The following ARL15 variants were observed in gnomAD, a reference collection of about 807,000 sequenced individuals.
ARL15 encodes ARF like GTPase 15.
Under a neutral mutation model 25.2 loss-of-function variants are expected in ARL15, and 19 were observed. That is an observed-to-expected ratio of 0.75 (90% CI 0.53 to 1.10). The LOEUF (loss-of-function observed/expected upper bound fraction) is 1.10. Among genes scored for constraint, ARL15 ranks in the 50% least tolerant of loss-of-function variants. The pLI, the probability that ARL15 is intolerant of heterozygous loss-of-function variation, is 0.00. For synonymous variants in ARL15, 94 were observed against 86.8 expected (o/e 1.08, Z -0.46); for missense variants, 220 against 246.0 (o/e 0.89, Z 0.71).
chr5:54,084,173 A>G (rs1751884937), intron 4 of ARL15, among the ~76,000 whole-genome samples: 1 of 152,164 alleles, frequency 6.6e-6, no homozygotes. Flanking sequence ...GTGCTCTTGT[A>G]CAATTAGCCT....
At chr5:54,134,795 G>C (rs980244937) in intron 3 of ARL15, among the ~76,000 whole-genome samples, 1 of 151,712 alleles carries the variant, frequency 6.6e-6, no homozygotes, top group African/African-American at 2.4e-5. Flanking sequence ...ATGTTGGACA[G>C]GATGGTCTCA....
intron 4 of ARL15, among the ~76,000 whole-genome samples, chr5:54,029,029 A>C (rs60691480): frequency 0.061 from 8,897 of 147,052 alleles, 870 homozygotes; most frequent in African/African-American, 0.21. Context: ...CCTCTGTCTA[A>C]AAAAAAAAAA....
chr5:54,204,229 C>T (rs1755801216), intron 1 of ARL15, among the ~76,000 whole-genome samples: 1 of 152,100 alleles, frequency 6.6e-6, no homozygotes, highest in East Asian at 1.9e-4. Flanking sequence ...AGGGTGAAGA[C>T]AAGACTGAAC....
intron 4 of ARL15, among the ~76,000 whole-genome samples, chr5:53,933,326 G>T (rs1746251812): frequency 6.6e-6 from 1 of 152,156 alleles, no homozygotes; most frequent in South Asian, 2.1e-4. Flanking sequence ...TCAACCACCA[G>T]TAGAAAGGTT....
At chr5:54,268,421 T>G (rs1436413016) in intron 1 of ARL15, among the ~76,000 whole-genome samples, 1 of 152,248 alleles carries the variant, frequency 6.6e-6, no homozygotes, top group East Asian at 1.9e-4. Context: ...AATTTCCACC[T>G]GTAGCTCGGA....
chr5:54,219,356 A>G (rs1027857765), intron 1 of ARL15, among the ~76,000 whole-genome samples: 5 of 152,176 alleles, frequency 3.3e-5, no homozygotes, highest in African/African-American at 9.6e-5. Flanking sequence ...ATAGAAGATC[A>G]GGGTGGAAGA....
At chr5:54,310,397 C>A (rs1161769888) in intron 1 of ARL15, 35 bp downstream of exon 1, 1 of 1,598,866 alleles carries the variant, frequency 6.3e-7, no homozygotes, top group South Asian at 1.1e-5. Flanking sequence ...CGCCGAGATC[C>A]GAGAGGCGAC....
chr5:54,082,134 C>G (rs1383956577), intron 4 of ARL15, among the ~76,000 whole-genome samples: 1 of 119,692 alleles, frequency 8.4e-6, no homozygotes, highest in African/African-American at 3.4e-5. Context: ...ATACAAATCC[C>G]CCTAATGGGT....
chr5:54,133,881 G>C (rs896147677), intron 3 of ARL15, among the ~76,000 whole-genome samples: 1 of 151,964 alleles, frequency 6.6e-6, no homozygotes, highest in Non-Finnish European at 1.5e-5. Context: ...AGTTATACTC[G>C]CAAAAATGTT....
chr5:54,243,240 A>G (rs1757002899), intron 1 of ARL15, among the ~76,000 whole-genome samples: 1 of 152,248 alleles, frequency 6.6e-6, no homozygotes, highest in Non-Finnish European at 1.5e-5. Context: ...GTATCTTTTG[A>G]GAAAATATGC....
chr5:53,979,718 A>T (rs1297192193), intron 4 of ARL15, among the ~76,000 whole-genome samples: 1 of 152,134 alleles, frequency 6.6e-6, no homozygotes, highest in Non-Finnish European at 1.5e-5. Context: ...CCATTAAGTG[A>T]CTGACACATA....
chr5:54,083,689 T>G (rs1410075825), intron 4 of ARL15, among the ~76,000 whole-genome samples: 2 of 152,210 alleles, frequency 1.3e-5, no homozygotes, highest in Admixed American at 1.3e-4. Flanking sequence ...GTTGGTTCTC[T>G]GAGCTGTCAA....
chr5:53,907,811 T>G (rs1229327408), intron 4 of ARL15, among the ~76,000 whole-genome samples: 1 of 152,016 alleles, frequency 6.6e-6, no homozygotes, highest in Non-Finnish European at 1.5e-5. Context: ...CCTTAATATA[T>G]TCTTACTCTC....
At chr5:54,280,452 T>C (rs1041666689) in intron 1 of ARL15, among the ~76,000 whole-genome samples, 1 of 152,218 alleles carries the variant, frequency 6.6e-6, no homozygotes, top group Non-Finnish European at 1.5e-5. Flanking sequence ...TTTTCTTACA[T>C]TCAAATAAAG....
chr5:54,047,920 A>G (rs765270696), intron 4 of ARL15: 1 of 152,084 alleles, frequency 6.6e-6, no homozygotes, highest in African/African-American at 2.4e-5. Flanking sequence ...ATCTTTCTCT[A>G]CTGGTTCACA....
intron 1 of ARL15, among the ~76,000 whole-genome samples, chr5:54,183,855 G>A (rs1258972304): frequency 3.3e-5 from 5 of 151,028 alleles, no homozygotes; most frequent in African/African-American, 1.2e-4. Flanking sequence ...CAACCCAAAT[G>A]TCCAACAATG....
intron 1 of ARL15, among the ~76,000 whole-genome samples, chr5:54,232,019 T>C (rs961224659): frequency 2.6e-5 from 4 of 152,200 alleles, no homozygotes; most frequent in Admixed American, 2.0e-4. Context: ...TGACTGCTCA[T>C]GTGCTGTCTC....
At chr5:53,915,116 G>T (rs1323203137) in intron 4 of ARL15, among the ~76,000 whole-genome samples, 1 of 152,202 alleles carries the variant, frequency 6.6e-6, no homozygotes, top group Non-Finnish European at 1.5e-5. Flanking sequence ...TGGTCAGTCA[G>T]CCAAAGAAAT....
At chr5:54,078,270 A>T (rs141389001) in intron 4 of ARL15, among the ~76,000 whole-genome samples, 11 of 152,318 alleles carry the variant, frequency 7.2e-5, no homozygotes, top group African/African-American at 2.6e-4. Flanking sequence ...TGCTTAGGAT[A>T]TACGTTGTGC....
Sources: allele counts gnomAD v4.1 joint callset (sites outside exome capture counted in the v4.1 genomes callset), GRCh38; gene constraint gnomAD v4.1.1; transcripts MANE v1.5; gene names NCBI Gene and HGNC (gene_info 2026-07-23, HGNC 2026-07-21).